The following GYG2 variants were observed in gnomAD, a reference collection of about 807,000 sequenced individuals.
GYG2 encodes the protein glycogenin-2.
A neutral mutation model predicts 29.4 loss-of-function variants in GYG2; 29 were observed. That is an observed-to-expected ratio of 0.99 (90% CI 0.74 to 1.35). The LOEUF (loss-of-function observed/expected upper bound fraction) is 1.35, where lower values mean the gene tolerates loss of function less well. GYG2 is among the 40% of genes most tolerant of loss of function. The probability of loss-of-function intolerance (pLI) is 0.00; values close to 1 mark genes in which losing one functional copy is unlikely to be tolerated. For synonymous variants in GYG2, 167 were observed against 172.3 expected (o/e 0.97, Z 0.24); for missense variants, 370 against 385.7 (o/e 0.96, Z 0.34).
At chrX:2,851,864 C>T (rs1198194133) in intron 3 of GYG2, among the ~76,000 whole-genome samples, 2 of 112,259 alleles carry the variant, frequency 1.8e-5, no homozygotes, top group Non-Finnish European at 3.7e-5. Context: ...TTTGCCTAAT[C>T]GTGGTTTTCT....
At chrX:2,830,526 G>A (rs1019238941) in intron 2 of GYG2, among the ~76,000 whole-genome samples, 2 of 112,398 alleles carry the variant, frequency 1.8e-5, no homozygotes, top group Non-Finnish European at 3.8e-5. Context: ...GAAGGCCGAT[G>A]GGAAGAAGTC....
chrX:2,859,949 A>T lies in GYG2; in HGVS notation c.721A>T (p.Ser241Cys). Residue 241 changes from serine (S) to cysteine (C), a missense_variant, in exon 7 of 11, where the codon AGC (serine) becomes TGC (cysteine). Ser to Cys is a moderately radical substitution (Grantham distance 112). Transcript: ENST00000398806. ...GSVLEQGSAS[S>C]SQHQAAFLHL... ...GGTGTTGGAGCAAGGCTCAGCGTCCAGCAGCCAGCACCAGGCGGCATTCCT... is the reference window on the plus strand; with the variant it reads ...GGTGTTGGAGCAAGGCTCAGCGTCCTGCAGCCAGCACCAGGCGGCATTCCT... 1 of 1,197,413 alleles carries T rather than the reference A, an allele frequency of 8.4e-7. No individual in the cohort carries two copies. The highest frequency in any genetic ancestry group is 1.1e-6 in the Non-Finnish European group (1 of 883,300).
chrX:2,858,369 G>T (rs1483636374), intron 6 of GYG2, among the ~76,000 whole-genome samples: 1 of 111,576 alleles, frequency 9.0e-6, no homozygotes. Context: ...GGGAGGCTGC[G>T]GAGGGAGGCT....
At chrX:2,833,863 C>G (rs6641657) in intron 2 of GYG2, among the ~76,000 whole-genome samples, 57,594 of 111,424 alleles carry the variant, frequency 0.52, 11,797 homozygotes, top group Non-Finnish European at 0.65. Context: ...GTGTTGTCCT[C>G]TGCACCTTGC....
intron 3 of GYG2, among the ~76,000 whole-genome samples, 164 bp downstream of exon 3, chrX:2,843,518 G>A (rs904310608): frequency 2.7e-5 from 3 of 112,176 alleles, no homozygotes; most frequent in Non-Finnish European, 5.6e-5. Flanking sequence ...AGGAACCTTC[G>A]AATCATGTGA....
At chrX:2,838,843 T>TG (rs2087435831) in intron 2 of GYG2, among the ~76,000 whole-genome samples, 1 of 112,095 alleles carries the variant, frequency 8.9e-6, no homozygotes, top group African/African-American at 3.2e-5. Flanking sequence ...ATTCTTGGTT[T>TG]ATAGATGTAT....
At chrX:2,853,726 G>A (rs1297536924) in intron 3 of GYG2, 4 of 308,957 alleles carry the variant, frequency 1.3e-5, no homozygotes, top group East Asian at 5.1e-5. Context: ...TAATTCTACC[G>A]GTACAGTGGG....
chrX:2,854,995 G>A lies in GYG2; in HGVS notation c.327G>A (p.Val109=), dbSNP rs375591201. 8.3e-7 allele frequency: 1 copy of A among 1,209,689 alleles called. No homozygotes were observed. Among genetic ancestry groups the A allele is most frequent in the Non-Finnish European group, 1.1e-6 (1 of 894,350 alleles). The change falls in exon 5 of 11, where the codon GTG becomes GTA. Residue 109 remains valine, a splice_region_variant and synonymous_variant. Transcript: ENST00000398806. ...KCVFLDADTL[V]LSNVDELFDR... ...TTCTGCGTGTTTTGCTTCACCAGGT[G>A]CTGTCCAATGTCGATGAGCTGTTTG...
chrX:2,846,049 ATATATATTTTTTTTT>A (rs1569058760), intron 3 of GYG2, among the ~76,000 whole-genome samples: 2 of 21,966 alleles, frequency 9.1e-5, no homozygotes, highest in Non-Finnish European at 8.1e-5. Flanking sequence ...ATATATATAT[ATATATATTTTTTTTT>A]TTTTTTTTTT....
Position 2,846,049 on chromosome X carries a change from ATATATATTTTTTTTTT to A in GYG2, c.149+2697_149+2712del, listed in dbSNP as rs1385188730. On this transcript the variant is annotated intron_variant, in intron 3 of 10. Coordinates refer to ENST00000398806, the MANE Select transcript of GYG2 (RefSeq NM_001079855.2). ...CATATATATACACATATATATATAT[ATATATATTTTTTTTTT>A]TTTTTTTTTTTTTTTTTTTGAGACA... Among the ~76,000 whole-genome samples, 100 of 21,961 alleles carry A rather than the reference ATATATATTTTTTTTTT, an allele frequency of 4.6e-3. 1 individual carries two copies. The South Asian group carries it at 0.051, about 11-fold the overall frequency. The allele number at this position is 21,961 out of a possible 115,157, so 19.1% of individuals were successfully genotyped here.
At chrX:2,860,158 T>G in intron 7 of GYG2, 93 bp downstream of exon 7, 1 of 507,625 alleles carries the variant, frequency 2.0e-6, no homozygotes, top group Non-Finnish European at 3.3e-6. Flanking sequence ...GAAATGCCCC[T>G]TTTTTGTCTA....
At chrX:2,843,464 A>G in intron 3 of GYG2, 110 bp downstream of exon 3, 1 of 588,714 alleles carries the variant, frequency 1.7e-6, no homozygotes, top group South Asian at 3.1e-5. Context: ...CCTTCTTCAT[A>G]GGCCTGGATG....
chrX:2,861,548 G>A lies in GYG2; in HGVS notation c.864G>A (p.Pro288=), dbSNP rs148559164. ...HTLCHSDVGG[P]CADSASGVGE... ...TTTGCCACAGTGATGTGGGGGGGCCGTGTGCGGATTCAGCCTCTGGTGTTG... is the reference window on the plus strand; with the variant it reads ...TTTGCCACAGTGATGTGGGGGGGCCATGTGCGGATTCAGCCTCTGGTGTTG... The change falls in exon 8 of 11, where the codon CCG becomes CCA. Residue 288 remains proline (P), a synonymous_variant. Coordinates refer to ENST00000398806, the MANE Select transcript of GYG2 (RefSeq NM_001079855.2). 152 of 1,205,393 alleles carry A rather than the reference G, an allele frequency of 1.3e-4. No homozygotes were observed. The highest frequency in any genetic ancestry group is 4.4e-4 in the Admixed American group (20 of 45,609).
chrX:2,860,428 G>A (rs1487565886), intron 7 of GYG2, among the ~76,000 whole-genome samples: 1 of 110,667 alleles, frequency 9.0e-6, no homozygotes, highest in African/African-American at 3.3e-5. Flanking sequence ...ATAGCAGTTG[G>A]AGGAAGTGTC....
At chrX:2,855,956 A>G (rs1031527151) in intron 5 of GYG2, among the ~76,000 whole-genome samples, 3 of 111,846 alleles carry the variant, frequency 2.7e-5, no homozygotes, top group African/African-American at 9.7e-5. Flanking sequence ...GCTGTGTTCC[A>G]ATAAAACTTT....
chrX:2,843,343 C>T lies in GYG2; in HGVS notation c.138C>T (p.Ser46=), dbSNP rs1198635843. 1 of 1,197,144 alleles carries T rather than the reference C, an allele frequency of 8.4e-7. No individual in the cohort carries two copies. The highest frequency in any genetic ancestry group is 1.8e-5 in the South Asian group (1 of 55,391). ...TGGTGTTGATCACTCCTCAGGTGTC[C>T]AGCCTGCTCAGGTAAGGCTCAGAGA... ...KLVVLITPQV[S]SLLRVILSKV... is the part of the protein sequence containing the mutation. Residue 46 remains serine (S), a synonymous_variant, in exon 3 of 11, where the codon TCC becomes TCT. Transcript: ENST00000398806.
chrX:2,863,504 A>G (rs1467810329), intron 8 of GYG2, among the ~76,000 whole-genome samples: 1 of 112,373 alleles, frequency 8.9e-6, no homozygotes, highest in Non-Finnish European at 1.9e-5. Flanking sequence ...TACTTCAGAT[A>G]GCTCCGGGAG....
chrX:2,853,952 C>T, intron 3 of GYG2, 28 bp from the exon 4 acceptor site: 1 of 1,114,501 alleles, frequency 9.0e-7, no homozygotes, highest in Non-Finnish European at 1.2e-6. Context: ...CACCCGCTGT[C>T]CCACTATTTG....
chrX:2,851,849 T>C (rs186555522), intron 3 of GYG2, among the ~76,000 whole-genome samples: 1 of 112,569 alleles, frequency 8.9e-6, no homozygotes, highest in Non-Finnish European at 1.9e-5. Context: ...GTTGTTACTA[T>C]AGTGTTTGCC....
Sources: allele counts gnomAD v4.1 joint callset (sites outside exome capture counted in the v4.1 genomes callset), GRCh38; gene constraint gnomAD v4.1.1; transcripts MANE v1.5; gene names NCBI Gene and HGNC (gene_info 2026-07-23, HGNC 2026-07-21).